Variants in RGS6 observed in about 807,000 individuals in gnomAD.
RGS6 encodes regulator of G-protein signaling 6.
A neutral mutation model predicts 78.5 loss-of-function variants in RGS6; 30 were observed. That is an observed-to-expected ratio of 0.38 (90% CI 0.29 to 0.52). The LOEUF is 0.52. RGS6 is among the 20% of genes least tolerant of loss of function. The pLI, the probability that RGS6 is intolerant of heterozygous loss-of-function variation, is 0.85. For synonymous variants in RGS6, 206 were observed against 206.0 expected, an observed-to-expected ratio of 1.00 and a Z score of 0.00; for missense variants, 495 against 609.7, an observed-to-expected ratio of 0.81 and a Z score of 1.98.
At chr14:72,032,093 G>A (rs1247316138) in intron 2 of RGS6, among the ~76,000 whole-genome samples, 2 of 152,004 alleles carry the variant, frequency 1.3e-5, no homozygotes, top group Admixed American at 1.3e-4. Context: ...CTACCAACAC[G>A]CTATAAATTT....
chr14:71,933,145 G>A (rs1219641585), intron 1 of RGS6: 1 of 152,520 alleles, frequency 6.6e-6, no homozygotes, highest in African/African-American at 2.4e-5. Flanking sequence ...TACATAAGTG[G>A]TTAGGCAAGC....
chr14:72,222,484 C>T (rs78744390), intron 2 of RGS6, among the ~76,000 whole-genome samples: 1 of 152,360 alleles, frequency 6.6e-6, no homozygotes, highest in East Asian at 1.9e-4. Flanking sequence ...AGAGCCAGTT[C>T]CCATCTTCCT....
At chr14:72,544,762 C>G (rs112915902) in intron 17 of RGS6, among the ~76,000 whole-genome samples, 106 of 152,326 alleles carry the variant, frequency 7.0e-4, no homozygotes, top group African/African-American at 2.5e-3. Flanking sequence ...TCCTTCCATC[C>G]CCCTGTTCCT....
At chr14:72,493,576 A>G (rs181572942) in intron 12 of RGS6, among the ~76,000 whole-genome samples, 85 of 152,290 alleles carry the variant, frequency 5.6e-4, no homozygotes, top group African/African-American at 2.0e-3. Flanking sequence ...AAAATTCCTG[A>G]TAATTATTTT....
At chr14:72,383,810 G>C (rs1045353087) in intron 3 of RGS6, among the ~76,000 whole-genome samples, 1 of 152,000 alleles carries the variant, frequency 6.6e-6, no homozygotes, top group African/African-American at 2.4e-5. Flanking sequence ...GGTGGGGGGG[G>C]ACGGTAGAGA....
In RGS6 at chr14:72,440,679, C is replaced by T. The variant is rs528726076; in HGVS notation, c.185-13849C>T. ...CTGCCTGCCTCGGCCTCCCAAAGTG[C>T]TGGGATTATAAACGTGAACCACCGC... On this transcript the variant is annotated intron_variant, in intron 3 of 17. Transcript: ENST00000553525. Among the ~76,000 whole-genome samples, 5 of 152,216 alleles carry T rather than the reference C, an allele frequency of 3.3e-5. No individual in the cohort carries two copies. The East Asian group carries it at 5.8e-4, about 18-fold the overall frequency.
intron 2 of RGS6, among the ~76,000 whole-genome samples, chr14:72,129,815 G>A (rs1007276632): frequency 1.3e-5 from 2 of 152,170 alleles, no homozygotes; most frequent in African/African-American, 4.8e-5. Flanking sequence ...AAGCAGACAA[G>A]GGGGCCAGAC....
intron 2 of RGS6, among the ~76,000 whole-genome samples, chr14:72,196,837 C>T (rs1375800134): frequency 6.6e-6 from 1 of 152,156 alleles, no homozygotes; most frequent in East Asian, 1.9e-4. Context: ...TGAGCATTCC[C>T]CAAGGCTGAT....
chr14:71,984,824 A>G (rs1341082444), intron 2 of RGS6, among the ~76,000 whole-genome samples: 1 of 152,204 alleles, frequency 6.6e-6, no homozygotes, highest in East Asian at 1.9e-4. Context: ...CCTTCTGCCA[A>G]TGAATTTTTT....
chr14:72,399,618 C>T (rs1427199993), intron 3 of RGS6, among the ~76,000 whole-genome samples: 1 of 152,162 alleles, frequency 6.6e-6, no homozygotes, highest in Non-Finnish European at 1.5e-5. Context: ...GCAGTTTCTT[C>T]CTAGCATCAA....
intron 2 of RGS6, among the ~76,000 whole-genome samples, chr14:72,192,697 A>G (rs995083281): frequency 6.6e-6 from 1 of 152,264 alleles, no homozygotes; most frequent in Non-Finnish European, 1.5e-5. Context: ...ATAAAAGGCA[A>G]TAAAATAAAT....
At chr14:72,120,672 A>G (rs149740181) in intron 2 of RGS6, among the ~76,000 whole-genome samples, 222 of 152,364 alleles carry the variant, frequency 1.5e-3, no homozygotes, top group African/African-American at 5.0e-3. Flanking sequence ...AATGGCATAC[A>G]TGAATCTCAG....
intron 17 of RGS6, among the ~76,000 whole-genome samples, chr14:72,541,824 T>C (rs1186845065): frequency 6.6e-6 from 1 of 152,182 alleles, no homozygotes; most frequent in Non-Finnish European, 1.5e-5. Context: ...TCCAGACATT[T>C]TCAGGCTGTT....
At chr14:71,904,691 A>C in the RGS6 span, among the ~76,000 whole-genome samples, 1 of 152,176 alleles carries the variant, frequency 6.6e-6, no homozygotes, top group Non-Finnish European at 1.5e-5. Flanking sequence ...TGCAACCAAA[A>C]TTTGGTGCCT....
intron 17 of RGS6, among the ~76,000 whole-genome samples, 197 bp from the exon 18 acceptor site, chr14:72,562,220 T>C (rs1220829113): frequency 6.6e-6 from 1 of 152,214 alleles, no homozygotes; most frequent in Non-Finnish European, 1.5e-5. Flanking sequence ...GAACCTTCCC[T>C]GGAGCCCTGG....
At chr14:71,959,562 C>A (rs1442295024) in intron 1 of RGS6, among the ~76,000 whole-genome samples, 1 of 152,138 alleles carries the variant, frequency 6.6e-6, no homozygotes, top group African/African-American at 2.4e-5. Context: ...TAGTTGCAAG[C>A]CATGGTAATT....
chr14:72,109,875 C>A (rs190405639), intron 2 of RGS6, among the ~76,000 whole-genome samples: 4 of 152,124 alleles, frequency 2.6e-5, no homozygotes, highest in Non-Finnish European at 4.4e-5. Flanking sequence ...AGTGACTTTC[C>A]CAATACCACA....
intron 3 of RGS6, among the ~76,000 whole-genome samples, chr14:72,406,481 G>A (rs1489127505): frequency 2.0e-5 from 3 of 152,220 alleles, no homozygotes; most frequent in Non-Finnish European, 2.9e-5. Flanking sequence ...AGGCAGTCGT[G>A]TGTAGGTTCT....
At chr14:72,245,615 C>T (rs546447278) in intron 2 of RGS6, among the ~76,000 whole-genome samples, 2 of 152,284 alleles carry the variant, frequency 1.3e-5, no homozygotes, top group South Asian at 4.1e-4. Context: ...AAACCCACAA[C>T]CTTCCAGCTT....
Sources: gnomAD v4.1 joint callset for allele counts (sites outside exome capture counted in the v4.1 genomes callset) on GRCh38, gnomAD v4.1.1 for gene constraint, MANE v1.5 for transcripts, NCBI Gene and HGNC (gene_info 2026-07-23, HGNC 2026-07-21) for gene names.